The following FRMD4A variants were observed in gnomAD, a reference collection of about 807,000 sequenced individuals.
FRMD4A encodes FERM domain containing 4A, also known as FERM domain-containing protein 4A.
A neutral mutation model predicts 129.1 loss-of-function variants in FRMD4A; 29 were observed. The observed-to-expected ratio is 0.22, with a 90% confidence interval of 0.17 to 0.31. The LOEUF is 0.31. FRMD4A is among the 10% of genes least tolerant of loss of function. The probability of loss-of-function intolerance (pLI) is 1.00; values close to 1 mark genes in which losing one functional copy is unlikely to be tolerated. For missense variants in FRMD4A, 1,272 were observed against 1,375.8 expected (o/e 0.92, Z 1.19); for synonymous variants, 634 against 571.6 (o/e 1.11, Z -1.56).
At chr10:14,310,728 A>G (rs763237460) in intron 2 of FRMD4A, among the ~76,000 whole-genome samples, 2 of 152,150 alleles carry the variant, frequency 1.3e-5, no homozygotes, top group Non-Finnish European at 2.9e-5. Context: ...TTTGCGCCCT[A>G]TGCAAATGGC....
intron 2 of FRMD4A, among the ~76,000 whole-genome samples, chr10:13,926,327 T>C (rs1026507577): frequency 2.6e-5 from 4 of 152,164 alleles, no homozygotes; most frequent in Non-Finnish European, 4.4e-5. Context: ...GATTTTACTG[T>C]AGGGAGTGAT....
chr10:13,965,227 T>G (rs2095478199), intron 2 of FRMD4A, among the ~76,000 whole-genome samples: 2 of 152,276 alleles, frequency 1.3e-5, no homozygotes, highest in South Asian at 4.1e-4. Flanking sequence ...ACCCTCACCC[T>G]TAAATGCCGA....
chr10:14,294,026 A>G (rs1319342852), intron 2 of FRMD4A, among the ~76,000 whole-genome samples: 1 of 152,210 alleles, frequency 6.6e-6, no homozygotes, highest in East Asian at 1.9e-4. Flanking sequence ...CCACAGTACC[A>G]CAACCAAGAA....
At position 14,052,633 on chromosome 10, in the gene FRMD4A, A is replaced by G. The variant is rs140447259; in HGVS notation, c.46-193721T>C. Among the ~76,000 whole-genome samples the G allele has an allele frequency of 8.0e-4, 122 of 152,294 alleles. 1 individual carries two copies. Among genetic ancestry groups the G allele is most frequent in the Admixed American group, 7.5e-3 (115 of 15,308 alleles). The stretch of plus-strand genomic sequence containing the variant: ...GAGCACAATGGCACAGTCTTGGCTC[A>G]CTGCAACCTCCGCCTCCCAGGTTCA... On this transcript the variant is annotated intron_variant, in intron 2 of 24. Coordinates refer to ENST00000357447, the MANE Select transcript of FRMD4A (RefSeq NM_018027.5).
intron 2 of FRMD4A, among the ~76,000 whole-genome samples, chr10:14,188,124 C>G (rs1482241134): frequency 6.6e-6 from 1 of 152,134 alleles, no homozygotes; most frequent in African/African-American, 2.4e-5. Flanking sequence ...TTCTGGTCAG[C>G]CTTTTGTTTT....
rs1190022317 is a variant in FRMD4A, at chr10:13,713,855, ATATAATATATATACATATATG to A, written c.760-6763_760-6743del. ...ATATATGTAATATATATACACATATATATAATATATATACATATATGTAATATATATACATATATAATATAT... is the reference window on the plus strand; with the variant it reads ...ATATATGTAATATATATACACATATATAATATATATACATATATAATATAT... On this transcript the variant is annotated intron_variant, in intron 12 of 24. Coordinates refer to ENST00000357447, the MANE Select transcript of FRMD4A (RefSeq NM_018027.5). Among the ~76,000 whole-genome samples, 4 of 3,354 alleles carry A rather than the reference ATATAATATATATACATATATG, an allele frequency of 1.2e-3. No individual in the cohort carries two copies. In the East Asian group the frequency reaches 0.08, roughly 67 times the overall value. The allele number at this position is 3,354 out of a possible 152,430, so 2.2% of individuals were successfully genotyped here. A position where few individuals can be genotyped will look rare whatever the true frequency, so the allele number is the denominator to read the frequency against.
intron 2 of FRMD4A, among the ~76,000 whole-genome samples, chr10:14,302,385 T>G (rs1846213805): frequency 6.6e-6 from 1 of 152,224 alleles, no homozygotes; most frequent in Admixed American, 6.5e-5. Flanking sequence ...TTTATTCAGG[T>G]CTTCTCACTT....
At chr10:14,112,032 A>C (rs1048692357) in intron 2 of FRMD4A, among the ~76,000 whole-genome samples, 1 of 151,224 alleles carries the variant, frequency 6.6e-6, no homozygotes, top group Admixed American at 6.6e-5. Context: ...GGGAGGGAAA[A>C]AGACAAACAG....
chr10:14,260,374 T>A (rs575225177), intron 2 of FRMD4A, among the ~76,000 whole-genome samples: 1 of 152,162 alleles, frequency 6.6e-6, no homozygotes, highest in Non-Finnish European at 1.5e-5. Flanking sequence ...TCTGCAAATA[T>A]TGACACCACA....
chr10:14,148,290 T>C lies in FRMD4A; in HGVS notation c.45+181768A>G, dbSNP rs528875578. On this transcript the variant is annotated intron_variant, in intron 2 of 24. Coordinates refer to ENST00000357447, the MANE Select transcript of FRMD4A (RefSeq NM_018027.5). ...TAATGAGCTCTATGGAGTTTATATG[T>C]CGTGACTGTTTTAATCTTTTTTATA... is the stretch of plus-strand genomic sequence containing the variant. Among the ~76,000 whole-genome samples, 6 of 152,350 alleles carry C rather than the reference T, an allele frequency of 3.9e-5. No individual in the cohort carries two copies. In the East Asian group the frequency reaches 7.7e-4, roughly 20 times the overall value.
chr10:13,677,086 A>G (rs2134741040), intron 15 of FRMD4A, among the ~76,000 whole-genome samples: 2 of 152,330 alleles, frequency 1.3e-5, no homozygotes, highest in South Asian at 4.1e-4. Context: ...GTCCCCATAA[A>G]TATACTATTC....
intron 2 of FRMD4A, among the ~76,000 whole-genome samples, chr10:14,082,313 T>C (rs1257010841): frequency 3.3e-5 from 5 of 152,114 alleles, no homozygotes; most frequent in Non-Finnish European, 7.4e-5. Flanking sequence ...CTGCAAAAGA[T>C]GTGGAATCTC....
At chr10:13,805,595 T>C (rs1338711846) in intron 4 of FRMD4A, among the ~76,000 whole-genome samples, 4 of 152,238 alleles carry the variant, frequency 2.6e-5, no homozygotes, top group African/African-American at 9.6e-5. Flanking sequence ...TTCTGCTGAA[T>C]AGCTTAAAAG....
Position 13,846,744 on chromosome 10 carries a change from T to C in FRMD4A, c.111+12103A>G, listed in dbSNP as rs111745622. Among the ~76,000 whole-genome samples the C allele has an allele frequency of 2.6e-3, 397 of 152,308 alleles. 2 individuals are homozygous for C. Among genetic ancestry groups the C allele is most frequent in the African/African-American group, 9.1e-3 (378 of 41,578 alleles). On this transcript the variant is annotated intron_variant, in intron 3 of 24. Coordinates refer to ENST00000357447, the MANE Select transcript of FRMD4A (RefSeq NM_018027.5). ...GTCTCTCGTAAACAGCTCACAGTCA[T>C]ATCATGGAGGAACTCGAGAGTCAAA...
intron 2 of FRMD4A, chr10:13,890,523 C>T: frequency 2.0e-6 from 2 of 977,338 alleles, no homozygotes; most frequent in Non-Finnish European, 2.4e-6. Context: ...AACCCTCAAT[C>T]AGGTCCAGGC....
chr10:13,956,548 C>T (rs2095411257), intron 2 of FRMD4A, among the ~76,000 whole-genome samples: 1 of 152,186 alleles, frequency 6.6e-6, no homozygotes, highest in Non-Finnish European at 1.5e-5. Flanking sequence ...TTGCCAAGTC[C>T]ATGCACGGGT....
At chr10:13,840,280 C>G (rs1177339777) in intron 3 of FRMD4A, among the ~76,000 whole-genome samples, 1 of 152,054 alleles carries the variant, frequency 6.6e-6, no homozygotes, top group South Asian at 2.1e-4. Flanking sequence ...ACCAGGGATA[C>G]TCCAGTATAC....
At chr10:13,824,542 T>C (rs922231804) in intron 3 of FRMD4A, among the ~76,000 whole-genome samples, 1 of 151,288 alleles carries the variant, frequency 6.6e-6, no homozygotes, top group South Asian at 2.1e-4. Flanking sequence ...AATACACCAA[T>C]AATAAATAAC....
chr10:13,878,814 G>A (rs1394911913), intron 2 of FRMD4A, among the ~76,000 whole-genome samples: 26 of 68,898 alleles, frequency 3.8e-4, no homozygotes, highest in South Asian at 2.2e-3. Context: ...GAAAGAGAGA[G>A]GGAGGGAGGG....
Sources: allele counts gnomAD v4.1 joint callset (sites outside exome capture counted in the v4.1 genomes callset), GRCh38; gene constraint gnomAD v4.1.1; transcripts MANE v1.5; gene names NCBI Gene and HGNC (gene_info 2026-07-23, HGNC 2026-07-21).